Variants in PRELID2 observed in about 807,000 individuals in gnomAD.
PRELID2 encodes PRELI domain-containing protein 2.
PRELID2 carries 25 observed loss-of-function variants against 28.4 expected under a neutral mutation model. The observed-to-expected ratio is 0.88, with a 90% CI of 0.64 to 1.23. PRELID2 has a LOEUF of 1.23. PRELID2 is among the 50% of genes most tolerant of loss of function. The pLI is 0.00. For missense variants in PRELID2, 201 were observed against 214.4 expected (o/e 0.94, Z 0.39); for synonymous variants, 76 against 71.6 (o/e 1.06, Z -0.31).
At chr5:145,589,139 T>A (rs1753192899) in intron 1 of PRELID2, among the ~76,000 whole-genome samples, 2 of 152,162 alleles carry the variant, frequency 1.3e-5, no homozygotes, top group African/African-American at 4.8e-5. Context: ...ATTCTCTGTG[T>A]GCCTAACCTT....
the PRELID2 span, among the ~76,000 whole-genome samples, chr5:145,456,153 A>G: frequency 2.2e-3 from 331 of 152,296 alleles, 10 homozygotes; most frequent in East Asian, 0.055. Context: ...GGAGTTATGG[A>G]CATCAGACTT....
chr5:145,557,931 C>A (rs1341160886), intron 1 of PRELID2, among the ~76,000 whole-genome samples: 1 of 152,054 alleles, frequency 6.6e-6, no homozygotes, highest in African/African-American at 2.4e-5. Context: ...GGCTACAAAA[C>A]GAGATCAGAA....
chr5:145,277,986 C>T, the PRELID2 span, among the ~76,000 whole-genome samples: 1 of 152,142 alleles, frequency 6.6e-6, no homozygotes, highest in Admixed American at 6.6e-5. Flanking sequence ...ACCCAGCCTG[C>T]GAGAACCAGT....
At chr5:145,301,103 C>T in the PRELID2 span, among the ~76,000 whole-genome samples, 1 of 152,046 alleles carries the variant, frequency 6.6e-6, no homozygotes, top group Admixed American at 6.6e-5. Context: ...TATTTTACAT[C>T]CCCACTAGCA....
the PRELID2 span, among the ~76,000 whole-genome samples, chr5:145,416,036 G>T: frequency 6.6e-6 from 1 of 152,086 alleles, no homozygotes; most frequent in Admixed American, 6.5e-5. Flanking sequence ...GGCCAGTGAT[G>T]ATGAGCATTT....
At chr5:145,290,866 T>C in the PRELID2 span, among the ~76,000 whole-genome samples, 1 of 151,906 alleles carries the variant, frequency 6.6e-6, no homozygotes, top group South Asian at 2.1e-4. Context: ...CTTGTAGCAG[T>C]GTCTGTCACA....
intron 1 of PRELID2, among the ~76,000 whole-genome samples, chr5:145,741,195 A>C (rs1409076140): frequency 1.2e-5 from 1 of 80,394 alleles, no homozygotes; most frequent in African/African-American, 4.9e-5. Context: ...AATATATACT[A>C]TACAGATATA....
At chr5:145,802,699 G>A (rs1407049110) in intron 4 of PRELID2, among the ~76,000 whole-genome samples, 3 of 152,112 alleles carry the variant, frequency 2.0e-5, no homozygotes, top group Non-Finnish European at 2.9e-5. Context: ...TCTGAGTCTC[G>A]TCTCTTGCTT....
At chr5:145,803,520 C>T (rs1026475198) in intron 4 of PRELID2, among the ~76,000 whole-genome samples, 2 of 152,060 alleles carry the variant, frequency 1.3e-5, no homozygotes, top group Non-Finnish European at 2.9e-5. Context: ...TACCCACCCA[C>T]GTAGTAAGTT....
At chr5:145,696,864 C>T (rs10056068) in intron 1 of PRELID2, among the ~76,000 whole-genome samples, 24,268 of 150,924 alleles carry the variant, frequency 0.16, 3,354 homozygotes, top group African/African-American at 0.36. Flanking sequence ...TCTTTAATTT[C>T]AAAAATAGAA....
At chr5:145,358,125 T>C in the PRELID2 span, among the ~76,000 whole-genome samples, 1 of 152,110 alleles carries the variant, frequency 6.6e-6, no homozygotes. Context: ...ACAGGCCATA[T>C]CCTTGCTGAG....
intron 1 of PRELID2, among the ~76,000 whole-genome samples, chr5:145,640,422 G>T (rs1396263166): frequency 4.3e-5 from 6 of 139,160 alleles, no homozygotes; most frequent in East Asian, 2.1e-4. Context: ...CTTGCAGTGA[G>T]CCGAGATCGC....
the PRELID2 span, among the ~76,000 whole-genome samples, chr5:145,328,880 G>A: frequency 2.6e-5 from 4 of 152,092 alleles, no homozygotes; most frequent in African/African-American, 9.7e-5. Context: ...TATTACCTAG[G>A]TCTTATTCTA....
intron 1 of PRELID2, among the ~76,000 whole-genome samples, chr5:145,609,939 T>G (rs1156906144): frequency 6.6e-6 from 1 of 152,202 alleles, no homozygotes; most frequent in African/African-American, 2.4e-5. Flanking sequence ...TAGAGCAATC[T>G]AACTGCTCCC....
intron 1 of PRELID2, among the ~76,000 whole-genome samples, chr5:145,574,799 T>A (rs994588211): frequency 6.6e-6 from 1 of 152,210 alleles, no homozygotes; most frequent in Non-Finnish European, 1.5e-5. Flanking sequence ...TCCTGTATAC[T>A]ATAAATCATC....
At chr5:145,488,246 G>C (rs1007515244) in intron 1 of PRELID2, among the ~76,000 whole-genome samples, 11 of 152,032 alleles carry the variant, frequency 7.2e-5, no homozygotes, top group African/African-American at 2.7e-4. Flanking sequence ...GTGAGCTAGT[G>C]ACTATTTCTC....
the PRELID2 span, among the ~76,000 whole-genome samples, chr5:145,329,158 A>G: frequency 6.6e-6 from 1 of 152,138 alleles, no homozygotes; most frequent in Admixed American, 6.5e-5. Context: ...TACCAATACC[A>G]TGGTGTTTTT....
rs1031602169 is a variant in PRELID2 at position 145,759,096 on chromosome 5, G to T, written c.*1440C>A. 1 of 145,702 alleles carries T rather than the reference G, an allele frequency of 6.9e-6. No homozygotes were observed. The highest frequency in any genetic ancestry group is 2.5e-5 in the African/African-American group (1 of 39,332). The allele number at this position is 145,702 out of a possible 1,614,324, so 9.0% of individuals were successfully genotyped here. ...GCTTACTGCAACCTTCACCTCCTGA[G>T]TTCAAGCAATTCTCCTGCCTCAGAC... On this transcript the variant is annotated 3_prime_UTR_variant, in exon 7 of 7. Coordinates refer to ENST00000683046, the MANE Select transcript of PRELID2 (RefSeq NM_205846.3).
chr5:145,229,924 A>G, the PRELID2 span: 2 of 750,706 alleles, frequency 2.7e-6, no homozygotes, highest in African/African-American at 1.7e-5. Flanking sequence ...CTGTCTCTCT[A>G]CAATGAGGAG....
Sources: gnomAD v4.1 joint callset for allele counts (sites outside exome capture counted in the v4.1 genomes callset) on GRCh38, gnomAD v4.1.1 for gene constraint, MANE v1.5 for transcripts, NCBI Gene and HGNC (gene_info 2026-07-23, HGNC 2026-07-21) for gene names.